Variants in SNTG2 observed in about 807,000 individuals in gnomAD.
SNTG2 encodes the protein gamma-2-syntrophin.
A neutral mutation model predicts 70.9 loss-of-function variants in SNTG2; 74 were observed. The observed-to-expected ratio is 1.04, with a 90% CI of 0.86 to 1.27. The LOEUF (loss-of-function observed/expected upper bound fraction) is 1.27, where lower values mean the gene tolerates loss of function less well. SNTG2 is among the 50% of genes most tolerant of loss of function. The pLI is 0.00. For synonymous variants in SNTG2, 278 were observed against 273.8 expected (o/e 1.02, Z -0.15); for missense variants, 717 against 690.7 (o/e 1.04, Z -0.43).
chr2:1,145,716 A>C (rs913874314), intron 6 of SNTG2, among the ~76,000 whole-genome samples: 2 of 152,236 alleles, frequency 1.3e-5, no homozygotes, highest in Admixed American at 6.5e-5. Context: ...GGCCAGCTTT[A>C]TCACAATACC....
intron 13 of SNTG2, among the ~76,000 whole-genome samples, chr2:1,262,657 C>T (rs1441110246): frequency 2.6e-5 from 4 of 152,058 alleles, no homozygotes; most frequent in South Asian, 2.1e-4. Flanking sequence ...ACGTAGTAAC[C>T]GGAAGGCTCA....
chr2:1,352,509 G>T (rs1217591202), intron 16 of SNTG2, among the ~76,000 whole-genome samples: 2 of 152,234 alleles, frequency 1.3e-5, no homozygotes, highest in Non-Finnish European at 2.9e-5. Context: ...CAGCAACCCT[G>T]CGAGTGTAAA....
At chr2:1,336,692 C>A (rs550927191) in intron 16 of SNTG2, among the ~76,000 whole-genome samples, 1 of 152,024 alleles carries the variant, frequency 6.6e-6, no homozygotes, top group Non-Finnish European at 1.5e-5. Flanking sequence ...TCCAGTTTTC[C>A]CCACATCATT....
At chr2:1,176,011 C>A (rs1391506912) in intron 8 of SNTG2, among the ~76,000 whole-genome samples, 6 of 152,166 alleles carry the variant, frequency 3.9e-5, no homozygotes, top group Admixed American at 2.0e-4. Flanking sequence ...ATCCTCATGT[C>A]AAGGAGTAAT....
At chr2:1,364,040 G>A (rs569033079) in intron 16 of SNTG2, among the ~76,000 whole-genome samples, 73 of 152,144 alleles carry the variant, frequency 4.8e-4, no homozygotes, top group Non-Finnish European at 6.6e-4. Flanking sequence ...GCACAATCTC[G>A]GCTCACTGCA....
chr2:1,286,482 G>A lies in SNTG2; in HGVS notation c.1284+18911G>A, dbSNP rs149047090. Among the ~76,000 whole-genome samples, 1,267 of 152,260 alleles carry A rather than the reference G, an allele frequency of 8.3e-3. 19 individuals carry two copies. The highest frequency in any genetic ancestry group is 0.029 in the African/African-American group (1,215 of 41,538). On this transcript the variant is annotated intron_variant, in intron 14 of 16. Transcript: ENST00000308624. The stretch of plus-strand genomic sequence containing the variant: ...TAAGACCAGTGAATTCCATGAGCAT[G>A]AGCCTACTGCCACACTTTTTCAGCC...
Position 1,267,438 on chromosome 2 carries a change from A to G in SNTG2, c.1151A>G (p.Gln384Arg), listed in dbSNP as rs1203619118. 1 of 1,613,082 alleles carries G rather than the reference A, an allele frequency of 6.2e-7. No individual in the cohort carries two copies. Among genetic ancestry groups the G allele is most frequent in the East Asian group, 2.2e-5 (1 of 44,872 alleles). ...LGLQDFDFED[Q>R]RPYCFSIVAG... is the part of the protein sequence containing the mutation. ...CTTCAAGATTTTGACTTTGAGGACC[A>G]GAGGCCCTATTGCTTCAGCATCGTG... Residue 384 changes from glutamine (Q) to arginine (R), a missense_variant, in exon 14 of 17, where the codon CAG (glutamine) becomes CGG (arginine). Gln to Arg is a conservative substitution (Grantham distance 43). Transcript: ENST00000308624.
intron 6 of SNTG2, among the ~76,000 whole-genome samples, chr2:1,162,579 T>A (rs1365131564): frequency 6.6e-6 from 1 of 152,034 alleles, no homozygotes; most frequent in Non-Finnish European, 1.5e-5. Flanking sequence ...CTGTGTGATC[T>A]CCCCTCCCAC....
At chr2:1,139,218 T>G (rs1330185107) in intron 6 of SNTG2, among the ~76,000 whole-genome samples, 2 of 152,068 alleles carry the variant, frequency 1.3e-5, no homozygotes, top group Non-Finnish European at 2.9e-5. Flanking sequence ...GTTTTTTTGT[T>G]TGTTTGTTTG....
chr2:1,202,142 C>A (rs890124007), intron 8 of SNTG2, among the ~76,000 whole-genome samples: 1 of 151,934 alleles, frequency 6.6e-6, no homozygotes, highest in Non-Finnish European at 1.5e-5. Flanking sequence ...CTATGAATGG[C>A]AAATAGGTGG....
chr2:957,287 C>T (rs1337548192), intron 1 of SNTG2, among the ~76,000 whole-genome samples: 1 of 152,050 alleles, frequency 6.6e-6, no homozygotes, highest in Non-Finnish European at 1.5e-5. Flanking sequence ...TTTGTATTAC[C>T]TCCTCAGAAA....
At chr2:1,052,908 C>A (rs952830586) in intron 1 of SNTG2, among the ~76,000 whole-genome samples, 1 of 152,228 alleles carries the variant, frequency 6.6e-6, no homozygotes, top group Non-Finnish European at 1.5e-5. Flanking sequence ...CGTAAGCTCA[C>A]AATCTGTTCA....
chr2:1,055,574 T>TTAGTGTGA (rs1662340986), intron 1 of SNTG2, among the ~76,000 whole-genome samples: 1 of 151,730 alleles, frequency 6.6e-6, no homozygotes. Context: ...TAATTTTGAG[T>TTAGTGTGA]CAGTGTGATG....
intron 8 of SNTG2, among the ~76,000 whole-genome samples, chr2:1,178,436 G>C (rs1457796695): frequency 6.6e-6 from 1 of 152,004 alleles, no homozygotes; most frequent in Non-Finnish European, 1.5e-5. Context: ...ATTGGCTGTG[G>C]GTTTGTCATA....
At position 1,080,775 on chromosome 2, in the gene SNTG2, G is replaced by T. The variant is rs1241495638; in HGVS notation, c.73-2743G>T. ...GCAGGTGGTTTATAGGATGTGGGAGGGGAGGTTGGAAGTTGGAAGAGGCAT... is the reference window on the plus strand; with the variant it reads ...GCAGGTGGTTTATAGGATGTGGGAGTGGAGGTTGGAAGTTGGAAGAGGCAT... On this transcript the variant is annotated intron_variant, in intron 1 of 16. Transcript: ENST00000308624. 5.9e-5 allele frequency among the ~76,000 whole-genome samples: 9 copies of T among 152,142 alleles called. No individual in the cohort carries two copies. The East Asian group carries it at 1.5e-3, about 26-fold the overall frequency.
intron 13 of SNTG2, 91 bp downstream of exon 13, chr2:1,259,532 ATTGAAATAGTAAAAT>A (rs1287125917): frequency 4.8e-6 from 5 of 1,034,676 alleles, no homozygotes; most frequent in South Asian, 2.7e-5. Flanking sequence ...TGCGTGGTCC[ATTGAAATAGTAAAAT>A]TTGAAATAGT....
chr2:1,290,317 C>CTTTTT (rs34782770), intron 14 of SNTG2, among the ~76,000 whole-genome samples: 1 of 144,438 alleles, frequency 6.9e-6, no homozygotes, highest in Non-Finnish European at 1.5e-5. Context: ...GTTCTACATC[C>CTTTTT]TTTTTTTTTT....
chr2:1,123,450 A>C (rs1343866145), intron 4 of SNTG2, among the ~76,000 whole-genome samples: 1 of 152,224 alleles, frequency 6.6e-6, no homozygotes, highest in Non-Finnish European at 1.5e-5. Context: ...AGGAGGATAC[A>C]ATGGAGAATG....
chr2:986,067 T>TAGAGAGAGAGAGAGAGAGAG (rs10633277), intron 1 of SNTG2, among the ~76,000 whole-genome samples: 2 of 129,716 alleles, frequency 1.5e-5, no homozygotes, highest in African/African-American at 2.9e-5. Flanking sequence ...CTGCAAATAA[T>TAGAGAGAGAGAGAGAGAGAG]AGAGAGAGAG....
Sources: allele counts gnomAD v4.1 joint callset (sites outside exome capture counted in the v4.1 genomes callset), GRCh38; gene constraint gnomAD v4.1.1; transcripts MANE v1.5; gene names NCBI Gene and HGNC (gene_info 2026-07-23, HGNC 2026-07-21).